NDST4: variants seen among roughly 807,000 people sequenced by gnomAD.
NDST4 encodes N-heparan sulfate sulfotransferase 4.
NDST4 carries 63 observed loss-of-function variants against 100.8 expected under a neutral mutation model. The ratio of observed to expected loss-of-function variants is 0.62; its 90% CI spans 0.51 to 0.77. NDST4 has a LOEUF of 0.77. Ranked by LOEUF, NDST4 falls within the 30% of genes least tolerant of loss-of-function variation. NDST4 has a pLI of 0.00. For missense variants in NDST4, 943 were observed against 1,018.4 expected (o/e 0.93, Z 1.01); for synonymous variants, 377 against 361.8 (o/e 1.04, Z -0.48).
chr4:114,882,475 G>C (rs2126201812), intron 6 of NDST4, among the ~76,000 whole-genome samples: 1 of 152,146 alleles, frequency 6.6e-6, no homozygotes, highest in Admixed American at 6.6e-5. Context: ...TAGTGAGCTG[G>C]TGTTAACTAC....
chr4:114,963,284 G>A (rs993526811), intron 4 of NDST4, among the ~76,000 whole-genome samples: 3 of 152,146 alleles, frequency 2.0e-5, no homozygotes, highest in African/African-American at 7.2e-5. Context: ...ATGTTACAAT[G>A]TGTTTGAACC....
At chr4:115,020,908 A>C (rs1727796904) in intron 2 of NDST4, among the ~76,000 whole-genome samples, 1 of 152,062 alleles carries the variant, frequency 6.6e-6, no homozygotes, top group Non-Finnish European at 1.5e-5. Context: ...AAAGTCAAAA[A>C]ACAGTAGATA....
chr4:114,833,159 A>C (rs560955613), intron 12 of NDST4, among the ~76,000 whole-genome samples: 2 of 152,354 alleles, frequency 1.3e-5, no homozygotes, highest in South Asian at 4.1e-4. Flanking sequence ...ATACATGATT[A>C]TATTTGGTTA....
At chr4:114,849,730 A>T (rs1723632354) in intron 8 of NDST4, among the ~76,000 whole-genome samples, 1 of 152,244 alleles carries the variant, frequency 6.6e-6, no homozygotes, top group African/African-American at 2.4e-5. Flanking sequence ...TTACTAATTT[A>T]AAAAGATTTA....
chr4:114,867,665 C>CAAAAA, intron 7 of NDST4, among the ~76,000 whole-genome samples: 274 of 79,798 alleles, frequency 3.4e-3, no homozygotes, highest in Middle Eastern at 0.013. Flanking sequence ...AAAAAAAAAG[C>CAAAAA]AAAAAAAAAA....
intron 2 of NDST4, among the ~76,000 whole-genome samples, chr4:115,031,026 A>G (rs1452857047): frequency 6.6e-6 from 1 of 152,120 alleles, no homozygotes; most frequent in Non-Finnish European, 1.5e-5. Flanking sequence ...CTGCTTCTCT[A>G]ATACTCTTTG....
At chr4:114,926,231 A>T (rs1007951053) in intron 6 of NDST4, among the ~76,000 whole-genome samples, 7 of 152,144 alleles carry the variant, frequency 4.6e-5, no homozygotes, top group African/African-American at 1.7e-4. Flanking sequence ...AGTTATCTGA[A>T]TGTTAAATAG....
intron 1 of NDST4, among the ~76,000 whole-genome samples, chr4:115,091,455 A>G (rs1729517254): frequency 6.6e-6 from 1 of 152,068 alleles, no homozygotes; most frequent in Non-Finnish European, 1.5e-5. Flanking sequence ...TTATTTCTCC[A>G]TCTACTCTTC....
chr4:114,928,417 A>T (rs1030055094), intron 6 of NDST4, among the ~76,000 whole-genome samples: 3 of 152,198 alleles, frequency 2.0e-5, no homozygotes, highest in Admixed American at 2.0e-4. Flanking sequence ...TATTTATGAG[A>T]AGACACTTAC....
chr4:114,838,921 G>T (rs892437479), intron 11 of NDST4, among the ~76,000 whole-genome samples: 2 of 151,668 alleles, frequency 1.3e-5, no homozygotes, highest in African/African-American at 4.8e-5. Flanking sequence ...CCATTTGGCA[G>T]CCTAGTGCAT....
chr4:114,965,507 TA>T (rs1439138462), intron 4 of NDST4, among the ~76,000 whole-genome samples: 2 of 152,068 alleles, frequency 1.3e-5, no homozygotes, highest in African/African-American at 2.4e-5. Flanking sequence ...TGTAGCTTTT[TA>T]AAATCAGAAT....
intron 2 of NDST4, among the ~76,000 whole-genome samples, chr4:115,075,681 A>G (rs1729163328): frequency 1.4e-5 from 2 of 147,830 alleles, no homozygotes; most frequent in Middle Eastern, 3.6e-3. Flanking sequence ...GCTACTCGGG[A>G]GGCTGAGGCA....
chr4:114,844,378 G>A (rs1044766414), intron 10 of NDST4, among the ~76,000 whole-genome samples: 1 of 152,232 alleles, frequency 6.6e-6, no homozygotes, highest in African/African-American at 2.4e-5. Context: ...TAGCCCTAGT[G>A]TGCCTCTCAG....
At position 114,970,478 on chromosome 4, in the gene NDST4, G is replaced by A. The variant is rs767761210; in HGVS notation, c.1173C>T (p.Asn391=). ...WSHMQPHLFH[N]ESSLVEQMIL... ...TCATCTGCTCTACTAAAGATGACTC[G>A]TTGTGGAAGAGGTGGGGCTGCATGT... The change falls in exon 4 of 14, where the codon AAC becomes AAT. Residue 391 remains asparagine, a synonymous_variant. Transcript: ENST00000264363. 11 of 1,613,764 alleles carry A rather than the reference G, an allele frequency of 6.8e-6. No individual in the cohort carries two copies. The highest frequency in any genetic ancestry group is 2.2e-5 in the South Asian group (2 of 91,062).
At chr4:115,068,802 C>A (rs1169911263) in intron 2 of NDST4, among the ~76,000 whole-genome samples, 3 of 133,846 alleles carry the variant, frequency 2.2e-5, no homozygotes, top group East Asian at 2.1e-4. Flanking sequence ...GGCATCAGAG[C>A]GAGGCTCCAT....
chr4:115,073,580 T>C (rs1729121754), intron 2 of NDST4, among the ~76,000 whole-genome samples: 1 of 151,910 alleles, frequency 6.6e-6, no homozygotes, highest in Admixed American at 6.6e-5. Flanking sequence ...GATAAATACA[T>C]AATCTCACTT....
intron 7 of NDST4, among the ~76,000 whole-genome samples, chr4:114,854,755 C>A (rs192874529): frequency 3.9e-5 from 6 of 151,950 alleles, no homozygotes; most frequent in African/African-American, 1.4e-4. Context: ...GGCATGAGCC[C>A]GACCAATTTC....
rs140184073 is a variant in NDST4 at position 115,085,090 on chromosome 4, G to C, written c.-246-7808C>G. On this transcript the variant is annotated intron_variant, in intron 1 of 13. Coordinates refer to ENST00000264363, the MANE Select transcript of NDST4 (RefSeq NM_022569.3). The stretch of plus-strand genomic sequence containing the variant: ...AAGGCCATGGGAGCCCACCTCTTGC[G>C]TCAGCATGACCTGCATGTGAGACAT... Among the ~76,000 whole-genome samples the C allele has an allele frequency of 2.0e-5, 3 of 152,190 alleles. No individual in the cohort carries two copies. The South Asian group carries it at 6.2e-4, about 31-fold the overall frequency.
intron 1 of NDST4, among the ~76,000 whole-genome samples, chr4:115,102,704 C>CTTTTTTTTTTTTTTTTTTT (rs751431042): frequency 5.5e-5 from 5 of 90,568 alleles, no homozygotes; most frequent in Admixed American, 1.5e-4. Context: ...TTCTGACTTC[C>CTTTTTTTTTTTTTTTTTTT]TTTTTTTTTT....
Sources: gnomAD v4.1 joint callset for allele counts (sites outside exome capture counted in the v4.1 genomes callset) on GRCh38, gnomAD v4.1.1 for gene constraint, MANE v1.5 for transcripts, NCBI Gene and HGNC (gene_info 2026-07-23, HGNC 2026-07-21) for gene names.